CAPRIN1: variants seen among roughly 807,000 people sequenced by gnomAD.
The protein encoded by CAPRIN1 is cell cycle associated protein 1, also known as caprin-1.
In CAPRIN1, 29 loss-of-function variants were observed where a neutral mutation model predicts 100.9. That is an observed-to-expected ratio of 0.29 (90% CI 0.21 to 0.39). CAPRIN1 has a LOEUF of 0.39. Ranked by LOEUF, CAPRIN1 falls within the 10% of genes least tolerant of loss-of-function variation. The pLI, the probability that CAPRIN1 is intolerant of heterozygous loss-of-function variation, is 1.00. For missense variants in CAPRIN1, 795 were observed against 876.7 expected, an observed-to-expected ratio of 0.91 and a Z score of 1.18; for synonymous variants, 338 against 307.5, an observed-to-expected ratio of 1.10 and a Z score of -1.04.
chr11:34,089,279 CCCGCA>C lies in CAPRIN1; in HGVS notation c.1232-115_1232-111del, dbSNP rs1851215586. On this transcript the variant is annotated intron_variant, in intron 11 of 18. Transcript: ENST00000341394. ...GTGAGACACTCCCCCCCCCCCCCCCCCCGCAAAAAAAAAAAAAAAAAAAAAAAGCC... is the reference window on the plus strand; with the variant it reads ...GTGAGACACTCCCCCCCCCCCCCCCCAAAAAAAAAAAAAAAAAAAAAAGCC... 4 of 13,502 alleles carry C rather than the reference CCCGCA, an allele frequency of 3.0e-4. 1 individual carries two copies. The highest frequency in any genetic ancestry group is 6.5e-4 in the Non-Finnish European group (3 of 4,592). 0.8% of individuals were successfully genotyped at this position (13,502 alleles called of 1,614,324 possible). A position where few individuals can be genotyped will look rare whatever the true frequency, so the allele number is the denominator to read the frequency against.
rs1303630811 is a variant in CAPRIN1 at position 34,099,701 on chromosome 11, A to C, written c.*334A>C. ...TATTTGAAGTGGCTTGAAAAAGGCA[A>C]GATTGACTTTTATGACATTGGATAA... On this transcript the variant is annotated 3_prime_UTR_variant, in exon 19 of 19. Transcript: ENST00000341394. 1 of 227,510 alleles carries C rather than the reference A, an allele frequency of 4.4e-6. No individual in the cohort carries two copies. The highest frequency in any genetic ancestry group is 8.6e-6 in the Non-Finnish European group (1 of 116,864). 14.1% of individuals were successfully genotyped at this position (227,510 alleles called of 1,614,324 possible).
intron 2 of CAPRIN1, among the ~76,000 whole-genome samples, chr11:34,068,923 A>C (rs1850753849): frequency 6.6e-6 from 1 of 152,132 alleles, no homozygotes; most frequent in Non-Finnish European, 1.5e-5. Context: ...ATTTAGCAAC[A>C]ATTTTCTTGA....
chr11:34,089,467 T>C lies in CAPRIN1; in HGVS notation c.1293+11T>C. On this transcript the variant is annotated intron_variant, in intron 12 of 18. Coordinates refer to ENST00000341394, the MANE Select transcript of CAPRIN1 (RefSeq NM_005898.5). The stretch of plus-strand genomic sequence containing the variant: ...CCAGAAGCGACACAGGTAAGAGTGA[T>C]AAAACTATTTTCTTCAGGGCCAGGT... The C allele has an allele frequency of 6.4e-7, 1 of 1,557,288 alleles. No homozygotes were observed. Among genetic ancestry groups the C allele is most frequent in the Admixed American group, 1.7e-5 (1 of 58,640 alleles).
intron 2 of CAPRIN1, among the ~76,000 whole-genome samples, chr11:34,055,097 GTA>G (rs1850422180): frequency 6.6e-6 from 1 of 152,108 alleles, no homozygotes; most frequent in Non-Finnish European, 1.5e-5. Context: ...CATTAAATGT[GTA>G]TAGGTGTATG....
At chr11:34,095,155 C>T (rs998903562) in intron 15 of CAPRIN1, among the ~76,000 whole-genome samples, 1 of 152,144 alleles carries the variant, frequency 6.6e-6, no homozygotes, top group East Asian at 1.9e-4. Context: ...CTTGGCCTCC[C>T]AAAGTGCTGG....
chr11:34,095,627 C>G (rs1554972209), intron 15 of CAPRIN1, among the ~76,000 whole-genome samples: 2 of 152,230 alleles, frequency 1.3e-5, no homozygotes, highest in Non-Finnish European at 2.9e-5. Context: ...GCTTCTGACC[C>G]TTGTTGTTAG....
At chr11:34,052,755 T>G in intron 2 of CAPRIN1, 119 bp downstream of exon 2, 1 of 1,278,720 alleles carries the variant, frequency 7.8e-7, no homozygotes, top group South Asian at 1.3e-5. Flanking sequence ...GGTCCCCTCC[T>G]CCCACCCCCT....
At chr11:34,092,524 A>G (rs1175279686) in intron 15 of CAPRIN1, among the ~76,000 whole-genome samples, 1 of 151,532 alleles carries the variant, frequency 6.6e-6, no homozygotes, top group Non-Finnish European at 1.5e-5. Context: ...ACGTCCAGCT[A>G]ATTTTTTGTA....
rs555176882 is a variant in CAPRIN1, at chr11:34,099,505, A to T, written c.*138A>T. On this transcript the variant is annotated 3_prime_UTR_variant, in exon 19 of 19. Transcript: ENST00000341394. ...AAGGGACTGTTTTCATCCCATAAAG[A>T]CAGGACTACAATTGTCAGCTTTCTA... 109 of 703,784 alleles carry T rather than the reference A, an allele frequency of 1.5e-4. No homozygotes were observed. The highest frequency in any genetic ancestry group is 2.3e-4 in the Non-Finnish European group (92 of 401,494). 43.6% of individuals were successfully genotyped at this position (703,784 alleles called of 1,614,324 possible).
chr11:34,089,480 T>C (rs370900036), intron 12 of CAPRIN1, 24 bp downstream of exon 12: 1 of 1,467,126 alleles, frequency 6.8e-7, no homozygotes, highest in Non-Finnish European at 9.5e-7. Context: ...AACTATTTTC[T>C]TCAGGGCCAG....
chr11:34,096,747 A>T, intron 16 of CAPRIN1, 74 bp downstream of exon 16: 1 of 1,191,586 alleles, frequency 8.4e-7, no homozygotes, highest in Non-Finnish European at 1.2e-6. Flanking sequence ...AAAATATATC[A>T]CACAGTTTTT....
intron 2 of CAPRIN1, among the ~76,000 whole-genome samples, chr11:34,069,650 T>TA (rs1411293548): frequency 6.7e-6 from 1 of 148,302 alleles, no homozygotes; most frequent in African/African-American, 2.5e-5. Flanking sequence ...CATATCAGTG[T>TA]AAAAAAAAAT....
intron 18 of CAPRIN1, chr11:34,099,020 C>T: frequency 7.8e-7 from 1 of 1,285,058 alleles, no homozygotes. Flanking sequence ...TGGTGCCTGG[C>T]ACATAGTAGG....
intron 4 of CAPRIN1, among the ~76,000 whole-genome samples, chr11:34,072,474 GT>G (rs1205898137): frequency 6.6e-6 from 1 of 152,096 alleles, no homozygotes; most frequent in African/African-American, 2.4e-5. Flanking sequence ...ATACATAAAT[GT>G]TTTTTATTTA....
intron 4 of CAPRIN1, among the ~76,000 whole-genome samples, chr11:34,074,022 A>G (rs1565089058): frequency 6.6e-6 from 1 of 152,116 alleles, no homozygotes; most frequent in Non-Finnish European, 1.5e-5. Flanking sequence ...AGCTCTTTTT[A>G]TAGTAGTATT....
intron 12 of CAPRIN1, 39 bp from the exon 13 acceptor site, chr11:34,090,140 T>C (rs1254210603): frequency 7.4e-7 from 1 of 1,344,844 alleles, no homozygotes; most frequent in South Asian, 1.2e-5. Context: ...GTCAATTTTG[T>C]AAGCAGGAAG....
In CAPRIN1 at chr11:34,085,903, T is replaced by A. The variant is rs1851131884; in HGVS notation, c.967-161T>A. Among the ~76,000 whole-genome samples the A allele has an allele frequency of 2.0e-5, 3 of 152,226 alleles. No homozygotes were observed. The South Asian group carries it at 6.2e-4, about 31-fold the overall frequency. ...GTAGAAGTGATGACATTTTTCAGAA[T>A]GTTAAATTTGGCATAAATGTAATTC... is the stretch of plus-strand genomic sequence containing the variant. On this transcript the variant is annotated intron_variant, in intron 9 of 18. Transcript: ENST00000341394.
intron 2 of CAPRIN1, among the ~76,000 whole-genome samples, chr11:34,066,545 G>A (rs1850699323): frequency 6.6e-6 from 1 of 151,654 alleles, no homozygotes; most frequent in South Asian, 2.1e-4. Flanking sequence ...TATTGGCCAG[G>A]CTGGTCTCGA....
rs890227376 is a variant in CAPRIN1, at chr11:34,071,200, ATGT to A, written c.217-522_217-520del. On this transcript the variant is annotated intron_variant, in intron 2 of 18. Transcript: ENST00000341394. ...TCTTGATTAAGCTAAAGAATGAATAATGTTGTGCCATTGGTTTACAGTACAGCC... is the reference window on the plus strand; with the variant it reads ...TCTTGATTAAGCTAAAGAATGAATAATGTGCCATTGGTTTACAGTACAGCC... 9.8e-4 allele frequency among the ~76,000 whole-genome samples: 149 copies of A among 152,342 alleles called. 1 individual carries two copies. The highest frequency in any genetic ancestry group is 3.3e-3 in the African/African-American group (136 of 41,590).
Sources: allele counts gnomAD v4.1 joint callset (sites outside exome capture counted in the v4.1 genomes callset), GRCh38; gene constraint gnomAD v4.1.1; transcripts MANE v1.5; gene names NCBI Gene and HGNC (gene_info 2026-07-23, HGNC 2026-07-21).